The following SGK3 variants were observed in gnomAD, a reference collection of about 807,000 sequenced individuals.
SGK3 encodes the protein serum/glucocorticoid regulated kinase family member 3, also known as serine/threonine-protein kinase Sgk3.
A neutral mutation model predicts 68.5 loss-of-function variants in SGK3; 47 were observed. The observed-to-expected ratio is 0.69, with a 90% confidence interval of 0.54 to 0.87. The LOEUF is 0.87. SGK3 is among the 40% of genes least tolerant of loss of function. The pLI is 0.00. For synonymous variants in SGK3, 181 were observed against 189.1 expected (o/e 0.96, Z 0.35); for missense variants, 479 against 575.5 (o/e 0.83, Z 1.72).
intron 6 of SGK3, among the ~76,000 whole-genome samples, chr8:66,827,580 A>G (rs142507476): frequency 1.3e-3 from 203 of 152,274 alleles, no homozygotes; most frequent in African/African-American, 4.1e-3. Context: ...TATGTGAAGC[A>G]GAATTTACTG....
At chr8:66,753,351 T>A (rs1372958211) in intron 1 of SGK3, among the ~76,000 whole-genome samples, 1 of 152,182 alleles carries the variant, frequency 6.6e-6, no homozygotes, top group East Asian at 1.9e-4. Context: ...CACAACCACC[T>A]CTTGTGCTAG....
At chr8:66,768,780 G>T (rs900862965) in intron 1 of SGK3, among the ~76,000 whole-genome samples, 2 of 152,032 alleles carry the variant, frequency 1.3e-5, no homozygotes, top group African/African-American at 4.8e-5. Flanking sequence ...TACCAGGCTC[G>T]TCTCGAACTC....
Position 66,821,566 on chromosome 8 carries a change from G to A in SGK3, c.330-806G>A, listed in dbSNP as rs1181756189. Among the ~76,000 whole-genome samples the A allele has an allele frequency of 4.0e-5, 6 of 151,242 alleles. No homozygotes were observed. In the East Asian group the frequency reaches 1.2e-3, roughly 29 times the overall value. ...CTCGCTCTGTCACCCAGGCTGGAGT[G>A]CAGTGGCACAATCTCGGCTCACTGC... On this transcript the variant is annotated intron_variant, in intron 5 of 16. Transcript: ENST00000521198.
chr8:66,781,048 C>A (rs1160730828), intron 1 of SGK3, among the ~76,000 whole-genome samples: 1 of 152,162 alleles, frequency 6.6e-6, no homozygotes, highest in Non-Finnish European at 1.5e-5. Flanking sequence ...TGACCGCAGG[C>A]CCCATCCATC....
At chr8:66,787,622 T>A (rs931631956) in intron 1 of SGK3, among the ~76,000 whole-genome samples, 3 of 152,192 alleles carry the variant, frequency 2.0e-5, no homozygotes, top group Non-Finnish European at 2.9e-5. Flanking sequence ...GGCCACTTTG[T>A]CATCGGTCCA....
chr8:66,820,749 G>A (rs1808777481), intron 5 of SGK3, among the ~76,000 whole-genome samples: 1 of 152,110 alleles, frequency 6.6e-6, no homozygotes, highest in African/African-American at 2.4e-5. Flanking sequence ...TGTCACCCAT[G>A]CTAGAATGCA....
intron 1 of SGK3, among the ~76,000 whole-genome samples, chr8:66,760,090 A>G (rs1265644210): frequency 1.3e-5 from 2 of 152,188 alleles, no homozygotes; most frequent in African/African-American, 2.4e-5. Flanking sequence ...TGATTTATGC[A>G]GACCTTCCAA....
At chr8:66,739,540 G>A (rs1406923569) in intron 1 of SGK3, among the ~76,000 whole-genome samples, 4 of 152,044 alleles carry the variant, frequency 2.6e-5, no homozygotes, top group Non-Finnish European at 5.9e-5. Context: ...AATTACAGGT[G>A]CCTGCCACCA....
In SGK3 at chr8:66,860,687, A is replaced by G. The variant is rs1202083106; in HGVS notation, c.*1106A>G. 6.6e-6 allele frequency: 1 copy of G among 152,184 alleles called. No individual in the cohort carries two copies. Among genetic ancestry groups the G allele is most frequent in the Non-Finnish European group, 1.5e-5 (1 of 68,028 alleles). The allele number at this position is 152,184 out of a possible 1,614,324, so 9.4% of individuals were successfully genotyped here. ...AATACATTATATTTATGTTCTATTCATCTTTTGAATGTTTAGTATGCTATT... is the reference window on the plus strand; with the variant it reads ...AATACATTATATTTATGTTCTATTCGTCTTTTGAATGTTTAGTATGCTATT... On this transcript the variant is annotated 3_prime_UTR_variant, in exon 17 of 17. Transcript: ENST00000521198.
At chr8:66,847,490 C>G (rs1810081683) in intron 15 of SGK3, 142 bp downstream of exon 15, 1 of 1,290,600 alleles carries the variant, frequency 7.7e-7, no homozygotes, top group Non-Finnish European at 1.0e-6. Flanking sequence ...CTTGTCTCCA[C>G]AGTTTTCACC....
intron 1 of SGK3, among the ~76,000 whole-genome samples, chr8:66,729,954 C>T (rs1470337484): frequency 6.6e-6 from 1 of 152,000 alleles, no homozygotes; most frequent in Non-Finnish European, 1.5e-5. Context: ...CCATGTTGGC[C>T]AGTCTTCAAA....
intron 8 of SGK3, among the ~76,000 whole-genome samples, chr8:66,832,276 A>G (rs1056339821): frequency 3.3e-5 from 5 of 152,230 alleles, no homozygotes; most frequent in African/African-American, 1.2e-4. Flanking sequence ...AGATGAAGTT[A>G]TCAGAATCAT....
intron 7 of SGK3, among the ~76,000 whole-genome samples, chr8:66,830,015 C>A (rs1213889163): frequency 6.6e-6 from 1 of 152,130 alleles, no homozygotes; most frequent in African/African-American, 2.4e-5. Flanking sequence ...AGGCAGCCAC[C>A]ATCATGCCCA....
At chr8:66,838,262 C>T (rs1445518025) in intron 10 of SGK3, among the ~76,000 whole-genome samples, 3 of 152,116 alleles carry the variant, frequency 2.0e-5, no homozygotes, top group Non-Finnish European at 1.5e-5. Context: ...GACGGGGTTT[C>T]GCCATGTTGG....
At chr8:66,836,846 G>A (rs1287167126) in intron 10 of SGK3, among the ~76,000 whole-genome samples, 8 of 143,900 alleles carry the variant, frequency 5.6e-5, no homozygotes, top group Non-Finnish European at 9.0e-5. Flanking sequence ...GTCACAGCTC[G>A]CTACAGCCTC....
Position 66,835,864 on chromosome 8 carries a change from T to G in SGK3, c.609+18T>G. On this transcript the variant is annotated intron_variant, in intron 9 of 16. Transcript: ENST00000521198. ...GAAAAGAGGTAAAATAAAATAGTTGTTTCTCTCAAGCCCATTTTCTCAATT... is the reference window on the plus strand; with the variant it reads ...GAAAAGAGGTAAAATAAAATAGTTGGTTCTCTCAAGCCCATTTTCTCAATT... The G allele has an allele frequency of 1.2e-6, 2 of 1,609,724 alleles. No individual in the cohort carries two copies. The highest frequency in any genetic ancestry group is 8.5e-7 in the Non-Finnish European group (1 of 1,178,912).
intron 6 of SGK3, among the ~76,000 whole-genome samples, chr8:66,824,829 G>A (rs1808986496): frequency 6.6e-6 from 1 of 152,138 alleles, no homozygotes; most frequent in Admixed American, 6.5e-5. Context: ...CACACAGTAT[G>A]ATTTACAGTC....
intron 2 of SGK3, among the ~76,000 whole-genome samples, chr8:66,795,190 C>T (rs766209004): frequency 2.6e-5 from 4 of 152,148 alleles, no homozygotes; most frequent in Non-Finnish European, 5.9e-5. Context: ...GGCTGAGTGC[C>T]GGAAAATGAT....
intron 4 of SGK3, among the ~76,000 whole-genome samples, chr8:66,807,206 A>C (rs896164074): frequency 6.6e-6 from 1 of 152,198 alleles, no homozygotes; most frequent in Non-Finnish European, 1.5e-5. Flanking sequence ...GAGGAGAGAT[A>C]ATTGGAGGGT....
Sources: allele counts gnomAD v4.1 joint callset (sites outside exome capture counted in the v4.1 genomes callset), GRCh38; gene constraint gnomAD v4.1.1; transcripts MANE v1.5; gene names NCBI Gene and HGNC (gene_info 2026-07-23, HGNC 2026-07-21).